The following ATXN7 variants were observed in gnomAD, a reference collection of about 807,000 sequenced individuals.
ATXN7 encodes the protein ataxin 7, also known as ataxin-7.
Under a neutral mutation model 70.5 loss-of-function variants are expected in ATXN7, and 12 were observed. The ratio of observed to expected loss-of-function variants is 0.17; its 90% CI spans 0.11 to 0.28. The LOEUF is 0.28. Among genes scored for constraint, ATXN7 ranks in the 10% least tolerant of loss-of-function variants. The pLI is 1.00. For synonymous variants in ATXN7, 498 were observed against 448.7 expected (o/e 1.11, Z -1.39); for missense variants, 1,256 against 1,131.7 (o/e 1.11, Z -1.58).
chr3:63,996,459 G>A lies in ATXN7; in HGVS notation c.2637G>A (p.Leu879=), dbSNP rs751794557. The part of the protein sequence containing the change: ...HTGTIPGAQG[L]MNSSLLHQPK... ...GCACCATCCCAGGGGCACAAGGACT[G>A]ATGAACAGTTCCCTCCTTCATCAGG... Residue 879 remains leucine (L), a synonymous_variant, in exon 12 of 13, where the codon CTG becomes CTA. Transcript: ENST00000674280. The A allele has an allele frequency of 3.1e-6, 5 of 1,614,172 alleles. No individual in the cohort carries two copies. Among genetic ancestry groups the A allele is most frequent in the Admixed American group, 1.7e-5 (1 of 60,022 alleles).
chr3:63,986,265 G>T (rs181246040), intron 8 of ATXN7, among the ~76,000 whole-genome samples: 1 of 152,220 alleles, frequency 6.6e-6, no homozygotes, highest in African/African-American at 2.4e-5. Flanking sequence ...GTCTTAGAGT[G>T]TGCAGGGTTC....
chr3:63,930,664 G>T (rs960414577), intron 4 of ATXN7, among the ~76,000 whole-genome samples: 67 of 152,146 alleles, frequency 4.4e-4, no homozygotes, highest in African/African-American at 1.6e-3. Context: ...GAGTAGCTGG[G>T]ACTACAGGCG....
intron 7 of ATXN7, 117 bp from the exon 8 acceptor site, chr3:63,982,822 G>T: frequency 1.3e-6 from 1 of 788,778 alleles, no homozygotes; most frequent in Non-Finnish European, 2.1e-6. Context: ...TATTGATAAT[G>T]TGGCTTTTAT....
In ATXN7 at chr3:64,001,960, T is replaced by C. The variant is rs534093934; in HGVS notation, c.*2493T>C. 3 of 151,922 alleles carry C rather than the reference T, an allele frequency of 2.0e-5. No individual in the cohort carries two copies. Among genetic ancestry groups the C allele is most frequent in the African/African-American group, 4.8e-5 (2 of 41,264 alleles). 9.4% of individuals were successfully genotyped at this position (151,922 alleles called of 1,614,324 possible). ...AAACCAAGATAATTTTTATATTCTT[T>C]CCAATAGAATTTCATGACAACTCCT... On this transcript the variant is annotated 3_prime_UTR_variant, in exon 13 of 13. Transcript: ENST00000674280.
chr3:63,935,773 T>A (rs754229472), intron 4 of ATXN7, among the ~76,000 whole-genome samples: 31 of 152,130 alleles, frequency 2.0e-4, no homozygotes, highest in Non-Finnish European at 4.3e-4. Flanking sequence ...TTTTCAATAG[T>A]CACTGTTTTG....
At chr3:63,902,755 G>C (rs1350131514) in intron 2 of ATXN7, among the ~76,000 whole-genome samples, 1 of 152,042 alleles carries the variant, frequency 6.6e-6, no homozygotes, top group East Asian at 1.9e-4. Context: ...GTGACTTGTA[G>C]TTTTATCAGT....
At position 63,946,043 on chromosome 3, in the gene ATXN7, T is replaced by C. The variant is rs116298952; in HGVS notation, c.395-6336T>C. On this transcript the variant is annotated intron_variant, in intron 4 of 12. Transcript: ENST00000674280. ...TTTTATCCTAAGAGCAACTGAAAGC[T>C]ACAGAAAAGTTCCAAATGCCAGTCA... 3.1e-3 allele frequency among the ~76,000 whole-genome samples: 472 copies of C among 152,258 alleles called. 3 individuals carry two copies. The highest frequency in any genetic ancestry group is 0.011 in the African/African-American group (455 of 41,554).
chr3:63,912,628 G>C lies in ATXN7; in HGVS notation c.30G>C (p.Arg10Ser), dbSNP rs1037414995. Residue 10 changes from arginine to serine, a missense_variant, in exon 3 of 13, where the codon AGG (arginine) becomes AGC (serine). Arg to Ser is a moderately radical substitution (Grantham distance 110). Transcript: ENST00000674280. MSERAADDV[R>S]GEPRRAAAAA... The stretch of plus-strand genomic sequence containing the variant: ...CGGAGCGGGCCGCGGATGACGTCAG[G>C]GGGGAGCCGCGCCGCGCGGCGGCGG... The C allele has an allele frequency of 7.5e-6, 8 of 1,061,382 alleles. No homozygotes were observed. The South Asian group carries it at 1.0e-4, about 13-fold the overall frequency. 65.7% of individuals were successfully genotyped at this position (1,061,382 alleles called of 1,614,324 possible). A position where few individuals can be genotyped will look rare whatever the true frequency, so the allele number is the denominator to read the frequency against.
chr3:63,887,118 A>G (rs1703111770), intron 1 of ATXN7, among the ~76,000 whole-genome samples: 2 of 152,190 alleles, frequency 1.3e-5, no homozygotes, highest in South Asian at 2.1e-4. Flanking sequence ...AGTGCTGCCA[A>G]TGTCTCTTTA....
At chr3:63,874,675 A>G (rs1702697146) in intron 1 of ATXN7, among the ~76,000 whole-genome samples, 1 of 152,158 alleles carries the variant, frequency 6.6e-6, no homozygotes, top group African/African-American at 2.4e-5. Context: ...GTGGTTCTAG[A>G]ACAGTGGTTT....
At chr3:63,967,098 C>T (rs992058172) in intron 5 of ATXN7, among the ~76,000 whole-genome samples, 3 of 152,078 alleles carry the variant, frequency 2.0e-5, no homozygotes, top group Non-Finnish European at 4.4e-5. Flanking sequence ...GCCATTACAC[C>T]CCATTCTGTG....
intron 5 of ATXN7, among the ~76,000 whole-genome samples, chr3:63,970,792 C>G (rs961215962): frequency 1.3e-5 from 2 of 152,186 alleles, no homozygotes; most frequent in African/African-American, 4.8e-5. Flanking sequence ...CCTTTGTGAT[C>G]TGTTCTCTTT....
intron 12 of ATXN7, among the ~76,000 whole-genome samples, chr3:63,997,401 C>T (rs1383015145): frequency 1.3e-5 from 2 of 152,182 alleles, no homozygotes; most frequent in Non-Finnish European, 2.9e-5. Flanking sequence ...AATCTCATTC[C>T]AAGCTCATAG....
intron 2 of ATXN7, among the ~76,000 whole-genome samples, chr3:63,899,391 A>G (rs1020891537): frequency 6.6e-6 from 1 of 151,982 alleles, no homozygotes. Flanking sequence ...CTGCATGTCC[A>G]CCATTGTACA....
intron 5 of ATXN7, among the ~76,000 whole-genome samples, chr3:63,960,476 G>A (rs2075109954): frequency 6.6e-6 from 1 of 152,214 alleles, no homozygotes; most frequent in South Asian, 2.1e-4. Context: ...AGACCAGTTA[G>A]TGAGCTGTTT....
intron 1 of ATXN7, chr3:63,864,543 C>T (rs968914396): frequency 3.3e-5 from 5 of 152,160 alleles, no homozygotes; most frequent in Non-Finnish European, 7.3e-5. Flanking sequence ...CCTTCCTGGG[C>T]TCGGCGGGTG....
At chr3:63,982,070 G>A (rs1418100811) in intron 6 of ATXN7, 116 bp from the exon 7 acceptor site, 8 of 1,347,908 alleles carry the variant, frequency 5.9e-6, no homozygotes, top group Non-Finnish European at 8.1e-6. Context: ...CCAAGAGGCT[G>A]GCCCTGTGCA....
At chr3:63,992,915 C>T (rs1182701043) in intron 11 of ATXN7, among the ~76,000 whole-genome samples, 1 of 152,186 alleles carries the variant, frequency 6.6e-6, no homozygotes, top group African/African-American at 2.4e-5. Flanking sequence ...GAGCTCAGCA[C>T]TTCTCATCCA....
At chr3:63,871,595 A>T (rs1378381313) in intron 1 of ATXN7, among the ~76,000 whole-genome samples, 1 of 152,218 alleles carries the variant, frequency 6.6e-6, no homozygotes, top group Non-Finnish European at 1.5e-5. Context: ...GATTAAGTGA[A>T]TTAGGGCCTA....
Sources: allele counts gnomAD v4.1 joint callset (sites outside exome capture counted in the v4.1 genomes callset), GRCh38; gene constraint gnomAD v4.1.1; transcripts MANE v1.5; gene names NCBI Gene and HGNC (gene_info 2026-07-23, HGNC 2026-07-21).